Variants in CHD2 observed in about 807,000 individuals in gnomAD.
The protein encoded by CHD2 is chromodomain helicase DNA binding protein 2.
CHD2 carries 28 observed loss-of-function variants against 243.9 expected under a neutral mutation model. That is an observed-to-expected ratio of 0.11 (90% CI 0.09 to 0.16). The LOEUF (loss-of-function observed/expected upper bound fraction) is 0.16, where lower values mean the gene tolerates loss of function less well. CHD2 is among the 10% of genes least tolerant of loss of function. CHD2 has a pLI of 1.00. For missense variants in CHD2, 1,386 were observed against 2,209.8 expected, an observed-to-expected ratio of 0.63 and a Z score of 7.47; for synonymous variants, 775 against 779.0, an observed-to-expected ratio of 0.99 and a Z score of 0.09.
intron 33 of CHD2, 45 bp from the exon 34 acceptor site, chr15:93,004,572 G>A (rs770693169): frequency 5.7e-6 from 9 of 1,570,380 alleles, no homozygotes; most frequent in Non-Finnish European, 7.8e-6. Context: ...TCGCACGGTA[G>A]GATTGCACAA....
intron 38 of CHD2, chr15:93,021,587 C>A (rs1395431755): frequency 1.3e-5 from 2 of 152,228 alleles, no homozygotes; most frequent in Non-Finnish European, 1.5e-5. Flanking sequence ...TGGATAGTTT[C>A]TATTGCTACC....
At chr15:92,948,274 A>G (rs1339347345) in intron 12 of CHD2, among the ~76,000 whole-genome samples, 1 of 152,162 alleles carries the variant, frequency 6.6e-6, no homozygotes, top group Non-Finnish European at 1.5e-5. Flanking sequence ...GATCAACTGT[A>G]TTTAGCATAT....
At chr15:92,933,699 G>A (rs1274552333) in intron 5 of CHD2, among the ~76,000 whole-genome samples, 1 of 152,100 alleles carries the variant, frequency 6.6e-6, no homozygotes, top group Non-Finnish European at 1.5e-5. Context: ...TTGACCTCCT[G>A]GGCTCAAGTG....
At chr15:92,955,639 G>A (rs368982624) in intron 15 of CHD2, 127 bp downstream of exon 15, 18 of 562,794 alleles carry the variant, frequency 3.2e-5, no homozygotes, top group African/African-American at 2.4e-4. Flanking sequence ...AAAACAAATG[G>A]TAGGGTCTGT....
intron 26 of CHD2, among the ~76,000 whole-genome samples, chr15:92,986,781 T>G (rs2054049028): frequency 1.3e-5 from 2 of 152,182 alleles, no homozygotes; most frequent in Non-Finnish European, 2.9e-5. Flanking sequence ...TGGAGTATGA[T>G]CCTATCTCAC....
chr15:92,985,983 A>G (rs1301294733), intron 26 of CHD2, among the ~76,000 whole-genome samples: 1 of 152,214 alleles, frequency 6.6e-6, no homozygotes, highest in African/African-American at 2.4e-5. Context: ...AGACTTATGT[A>G]TCTGTATATA....
chr15:92,907,662 A>G (rs1331679283), intron 2 of CHD2, among the ~76,000 whole-genome samples: 1 of 152,222 alleles, frequency 6.6e-6, no homozygotes, highest in Non-Finnish European at 1.5e-5. Context: ...TTAAAAATGT[A>G]GATAATGGTC....
chr15:92,989,953 T>C (rs1483326157), intron 26 of CHD2, among the ~76,000 whole-genome samples: 1 of 152,262 alleles, frequency 6.6e-6, no homozygotes, highest in African/African-American at 2.4e-5. Flanking sequence ...GTATCTATCC[T>C]ATGAACATCT....
At chr15:93,005,405 A>C (rs894349913) in intron 34 of CHD2, among the ~76,000 whole-genome samples, 4 of 152,142 alleles carry the variant, frequency 2.6e-5, no homozygotes, top group Non-Finnish European at 2.9e-5. Context: ...GTGTGTCCTC[A>C]AGGTCCCTTT....
intron 16 of CHD2, among the ~76,000 whole-genome samples, chr15:92,957,805 G>T (rs7167859): frequency 0.66 from 100,489 of 151,934 alleles, 34,754 homozygotes; most frequent in East Asian, 0.97. Flanking sequence ...GTTCCCCCTT[G>T]CTTGTTTGCA....
At chr15:92,918,672 A>C (rs546126256) in intron 2 of CHD2, among the ~76,000 whole-genome samples, 1 of 152,212 alleles carries the variant, frequency 6.6e-6, no homozygotes, top group East Asian at 1.9e-4. Flanking sequence ...ACAGCTTAGT[A>C]CTAATAGTAT....
At chr15:92,977,201 T>C (rs1453181476) in intron 20 of CHD2, among the ~76,000 whole-genome samples, 1 of 152,186 alleles carries the variant, frequency 6.6e-6, no homozygotes, top group Non-Finnish European at 1.5e-5. Flanking sequence ...GCTTAATATT[T>C]CTCTTAAGAA....
chr15:92,966,091 A>G (rs1460009853), intron 16 of CHD2, among the ~76,000 whole-genome samples: 1 of 140,996 alleles, frequency 7.1e-6, no homozygotes. Context: ...TTTGAGACAG[A>G]GTCTCACTGT....
Position 92,900,564 on chromosome 15 carries a change from C to T in CHD2, c.-332C>T. 2.5e-6 allele frequency: 1 copy of T among 398,560 alleles called. No individual in the cohort carries two copies. 24.7% of individuals were successfully genotyped at this position (398,560 alleles called of 1,614,324 possible). A position where few individuals can be genotyped will look rare whatever the true frequency, so the allele number is the denominator to read the frequency against. ...GGAAAGAAGCAGCCGTACTGAGAGC[C>T]CAGGTCGTTGTTTTTTCCAGCTTAG... On this transcript the variant is annotated 5_prime_UTR_variant, in exon 1 of 39. Transcript: ENST00000394196.
intron 2 of CHD2, among the ~76,000 whole-genome samples, chr15:92,913,472 G>A (rs1338042198): frequency 6.6e-6 from 1 of 152,158 alleles, no homozygotes; most frequent in Non-Finnish European, 1.5e-5. Flanking sequence ...GGCCTCTAGT[G>A]GGTAGAGGCC....
intron 38 of CHD2, chr15:93,020,647 A>AT (rs775266761): frequency 1.7e-5 from 6 of 352,950 alleles, no homozygotes; most frequent in Non-Finnish European, 2.6e-5. Flanking sequence ...GAAGAGTCAA[A>AT]GTCTTCTGAA....
chr15:92,972,010 G>T, intron 18 of CHD2, 83 bp downstream of exon 18: 1 of 1,394,758 alleles, frequency 7.2e-7, no homozygotes, highest in Non-Finnish European at 9.7e-7. Context: ...CTATTTCCTT[G>T]TTGGTGACCT....
chr15:92,967,670 GA>G (rs961447700), intron 17 of CHD2, among the ~76,000 whole-genome samples, 157 bp downstream of exon 17: 1 of 151,136 alleles, frequency 6.6e-6, no homozygotes, highest in African/African-American at 2.4e-5. Flanking sequence ...GGATTACAGG[GA>G]TGCGCCACCA....
At chr15:92,908,963 A>G (rs1278547212) in intron 2 of CHD2, among the ~76,000 whole-genome samples, 1 of 152,094 alleles carries the variant, frequency 6.6e-6, no homozygotes, top group Admixed American at 6.6e-5. Context: ...TACTAAAAAT[A>G]CAAAGATTAG....
Sources: gnomAD v4.1 joint callset for allele counts (sites outside exome capture counted in the v4.1 genomes callset) on GRCh38, gnomAD v4.1.1 for gene constraint, MANE v1.5 for transcripts, NCBI Gene and HGNC (gene_info 2026-07-23, HGNC 2026-07-21) for gene names.